PRKAG2: variants seen among roughly 807,000 people sequenced by gnomAD.
PRKAG2 encodes 5'-AMP-activated protein kinase subunit gamma-2.
PRKAG2 carries 26 observed loss-of-function variants against 69.6 expected under a neutral mutation model. The observed-to-expected ratio is 0.37, with a 90% CI of 0.27 to 0.52. The LOEUF (loss-of-function observed/expected upper bound fraction) is 0.52. Ranked by LOEUF, PRKAG2 falls within the 20% of genes least tolerant of loss-of-function variation. The pLI, the probability that PRKAG2 is intolerant of heterozygous loss-of-function variation, is 0.90. For synonymous variants in PRKAG2, 293 were observed against 285.0 expected (o/e 1.03, Z -0.28); for missense variants, 557 against 740.0 (o/e 0.75, Z 2.87).
intron 5 of PRKAG2, among the ~76,000 whole-genome samples, chr7:151,609,116 G>C (rs1312313366): frequency 1.3e-5 from 2 of 151,980 alleles, no homozygotes; most frequent in Non-Finnish European, 2.9e-5. Flanking sequence ...AATTCTATTA[G>C]ACAAAAAAAT....
At chr7:151,792,978 C>A (rs1334744281) in intron 1 of PRKAG2, among the ~76,000 whole-genome samples, 1 of 152,184 alleles carries the variant, frequency 6.6e-6, no homozygotes, top group African/African-American at 2.4e-5. Flanking sequence ...CTGTGATCTG[C>A]GATCTGGGGA....
In PRKAG2 at chr7:151,870,524, G is replaced by A. The variant is rs557235177; in HGVS notation, c.114+5983C>T. Among the ~76,000 whole-genome samples, 11 of 152,324 alleles carry A rather than the reference G, an allele frequency of 7.2e-5. No individual in the cohort carries two copies. The East Asian group carries it at 1.9e-3, about 27-fold the overall frequency. On this transcript the variant is annotated intron_variant, in intron 1 of 15. Transcript: ENST00000287878. ...AACTGGCCAAGGTCAAAGCTGACAC[G>A]TCCACTGTGCCACACAGCATCCCCC...
chr7:151,713,656 C>T (rs547384008), intron 3 of PRKAG2, among the ~76,000 whole-genome samples: 1 of 151,008 alleles, frequency 6.6e-6, no homozygotes, highest in African/African-American at 2.4e-5. Context: ...GCGAACACAG[C>T]TCACTACAAC....
intron 2 of PRKAG2, among the ~76,000 whole-genome samples, chr7:151,782,335 AGGAAGGAGGGAGGGAGGGAG>A (rs1554596902): frequency 0.076 from 2,054 of 27,026 alleles, 60 homozygotes; most frequent in South Asian, 0.11. Context: ...GAAGGAAGGA[AGGAAGGAGGGAGGGAGGGAG>A]GGAGGGAGGG....
At position 151,850,261 on chromosome 7, in the gene PRKAG2, C is replaced by G. The variant is rs899659751; in HGVS notation, c.114+26246G>C. ...TGGGCCCAGGAGAAACCTGGAGGTA[C>G]AGTCCCCTCACCTAGAACGCTTCTT... On this transcript the variant is annotated intron_variant, in intron 1 of 15. Transcript: ENST00000287878. The surrounding 1 kb of genome is among the most constrained non-coding windows in gnomAD (Gnocchi z 4.1). Among the ~76,000 whole-genome samples the G allele has an allele frequency of 2.0e-5, 3 of 152,242 alleles. No homozygotes were observed. The highest frequency in any genetic ancestry group is 7.2e-5 in the African/African-American group (3 of 41,458).
intron 3 of PRKAG2, among the ~76,000 whole-genome samples, chr7:151,746,866 A>T: frequency 6.6e-6 from 1 of 152,254 alleles, no homozygotes; most frequent in South Asian, 2.1e-4. Flanking sequence ...ATCTCAGCAG[A>T]GAAATCAGAA....
intron 5 of PRKAG2, among the ~76,000 whole-genome samples, chr7:151,615,875 T>C (rs562477047): frequency 6.6e-6 from 1 of 152,352 alleles, no homozygotes; most frequent in East Asian, 1.9e-4. Flanking sequence ...TCTAATGATG[T>C]TGCTGCACCT....
At position 151,756,038 on chromosome 7, in the gene PRKAG2, C is replaced by T. The variant is rs1375686266; in HGVS notation, c.466+25114G>A. ...AACACAAATACTTCCACTGCCCTCT[C>T]CCGCCTCCTCTCCCATCCCCCATTG... On this transcript the variant is annotated intron_variant, in intron 3 of 15. Coordinates refer to ENST00000287878, the MANE Select transcript of PRKAG2 (RefSeq NM_016203.4). This position sits in a 1 kb window ranked among gnomAD's most constrained non-coding sequence, Gnocchi z 4.9. Among the ~76,000 whole-genome samples, 2 of 152,152 alleles carry T rather than the reference C, an allele frequency of 1.3e-5. No individual in the cohort carries two copies. The highest frequency in any genetic ancestry group is 6.5e-5 in the Admixed American group (1 of 15,286).
At chr7:151,644,384 TA>T (rs1224988151) in intron 4 of PRKAG2, among the ~76,000 whole-genome samples, 1 of 152,256 alleles carries the variant, frequency 6.6e-6, no homozygotes, top group East Asian at 1.9e-4. Flanking sequence ...ATCTACTTTT[TA>T]TCACTATGTC....
At chr7:151,729,877 C>T (rs1563542030) in intron 3 of PRKAG2, among the ~76,000 whole-genome samples, 2 of 152,240 alleles carry the variant, frequency 1.3e-5, no homozygotes, top group South Asian at 2.1e-4. Context: ...GGCATCACCA[C>T]CACCTGACCT....
chr7:151,800,187 C>T (rs1450488673), intron 1 of PRKAG2, among the ~76,000 whole-genome samples: 1 of 151,864 alleles, frequency 6.6e-6, no homozygotes, highest in Non-Finnish European at 1.5e-5. Context: ...GAAACCCTGT[C>T]TCTACTAAAA....
chr7:151,748,058 C>G (rs2074410932), intron 3 of PRKAG2, among the ~76,000 whole-genome samples: 1 of 151,622 alleles, frequency 6.6e-6, no homozygotes, highest in Non-Finnish European at 1.5e-5. Context: ...GTAGCTGGTA[C>G]TACAGGCACG....
chr7:151,846,181 A>G (rs915626044), intron 1 of PRKAG2, among the ~76,000 whole-genome samples: 6 of 152,220 alleles, frequency 3.9e-5, no homozygotes, highest in African/African-American at 1.4e-4. Flanking sequence ...TTTCTTTTAA[A>G]AATAAATGTA....
In PRKAG2 at chr7:151,630,686, CTAATA is replaced by C. The variant is rs558926355; in HGVS notation, c.754+1378_754+1382del. Among the ~76,000 whole-genome samples, 508 of 152,310 alleles carry C rather than the reference CTAATA, an allele frequency of 3.3e-3. 3 individuals carry two copies. The highest frequency in any genetic ancestry group is 0.012 in the African/African-American group (479 of 41,554). On this transcript the variant is annotated intron_variant, in intron 5 of 15. Coordinates refer to ENST00000287878, the MANE Select transcript of PRKAG2 (RefSeq NM_016203.4). Reference sequence around the variant, plus strand: ...TAACTGTAAAAGACTCTCATTCTTACTAATATAAGAGACAAAACCCTGGTGATTTA... The same window carrying C: ...TAACTGTAAAAGACTCTCATTCTTACTAAGAGACAAAACCCTGGTGATTTA...
intron 5 of PRKAG2, among the ~76,000 whole-genome samples, chr7:151,629,344 A>C (rs1185647115): frequency 3.3e-5 from 5 of 152,186 alleles, no homozygotes; most frequent in Admixed American, 3.3e-4. Flanking sequence ...GAGAACTGGA[A>C]TCTGCCTTTC....
At chr7:151,673,923 A>G (rs1441638051) in intron 4 of PRKAG2, among the ~76,000 whole-genome samples, 1 of 146,996 alleles carries the variant, frequency 6.8e-6, no homozygotes, top group Non-Finnish European at 1.5e-5. Context: ...GCTCACTGCA[A>G]CCTCTGCCTC....
chr7:151,774,509 T>A (rs1364848260), intron 3 of PRKAG2, among the ~76,000 whole-genome samples: 3 of 152,154 alleles, frequency 2.0e-5, no homozygotes, highest in South Asian at 4.2e-4. Flanking sequence ...CTTAATAATA[T>A]AAAACAGTGT....
At chr7:151,870,830 C>T (rs2080204796) in intron 1 of PRKAG2, among the ~76,000 whole-genome samples, 1 of 152,238 alleles carries the variant, frequency 6.6e-6, no homozygotes, top group South Asian at 2.1e-4. Flanking sequence ...TGGCAACAGG[C>T]CCGCCCAAGC....
At chr7:151,768,333 G>A (rs2075845274) in intron 3 of PRKAG2, among the ~76,000 whole-genome samples, 1 of 152,178 alleles carries the variant, frequency 6.6e-6, no homozygotes, top group Admixed American at 6.5e-5. Flanking sequence ...GGATATTCTT[G>A]AGGTAAGGGG....
Sources: allele counts gnomAD v4.1 joint callset (sites outside exome capture counted in the v4.1 genomes callset), GRCh38; gene constraint gnomAD v4.1.1; non-coding constraint Gnocchi (gnomAD v3.1); transcripts MANE v1.5; gene names NCBI Gene and HGNC (gene_info 2026-07-23, HGNC 2026-07-21).